The following SENP7 variants were observed in gnomAD, a reference collection of about 807,000 sequenced individuals.
SENP7 encodes the protein sentrin-specific protease 7.
In SENP7, 64 loss-of-function variants were observed where a neutral mutation model predicts 141.2. The ratio of observed to expected loss-of-function variants is 0.45; its 90% CI spans 0.37 to 0.56. The LOEUF is 0.56. SENP7 is among the 20% of genes least tolerant of loss of function. The pLI, the probability that SENP7 is intolerant of heterozygous loss-of-function variation, is 0.00. For missense variants in SENP7, 1,025 were observed against 1,212.2 expected, an observed-to-expected ratio of 0.85 and a Z score of 2.29; for synonymous variants, 382 against 426.4, an observed-to-expected ratio of 0.90 and a Z score of 1.28.
intron 4 of SENP7, among the ~76,000 whole-genome samples, chr3:101,430,554 T>G (rs966020239): frequency 6.6e-6 from 1 of 152,240 alleles, no homozygotes; most frequent in Admixed American, 6.5e-5. Context: ...CATTTTTTAT[T>G]GCATTTATTT....
intron 6 of SENP7, among the ~76,000 whole-genome samples, chr3:101,383,143 G>A (rs780218386): frequency 1.3e-5 from 2 of 152,204 alleles, no homozygotes; most frequent in African/African-American, 2.4e-5. Context: ...GGTCATGGGA[G>A]CAGATCCTTC....
At chr3:101,454,896 T>C (rs2063298458) in intron 4 of SENP7, among the ~76,000 whole-genome samples, 1 of 152,186 alleles carries the variant, frequency 6.6e-6, no homozygotes, top group Admixed American at 6.5e-5. Flanking sequence ...GATGGGATGT[T>C]CTAAAACCAT....
intron 6 of SENP7, among the ~76,000 whole-genome samples, chr3:101,386,258 C>T (rs574001048): frequency 1.3e-5 from 2 of 152,260 alleles, no homozygotes; most frequent in Non-Finnish European, 2.9e-5. Context: ...GCACTCAGAG[C>T]CAGGACAGAC....
intron 6 of SENP7, among the ~76,000 whole-genome samples, chr3:101,377,954 T>C (rs1308580654): frequency 6.6e-6 from 1 of 152,162 alleles, no homozygotes; most frequent in African/African-American, 2.4e-5. Context: ...AATCACAGCT[T>C]GGTGATAACC....
At chr3:101,494,817 T>G (rs1408115464) in intron 2 of SENP7, among the ~76,000 whole-genome samples, 1 of 152,126 alleles carries the variant, frequency 6.6e-6, no homozygotes, top group Non-Finnish European at 1.5e-5. Flanking sequence ...AAGACTTAAA[T>G]GTAAAACACA....
chr3:101,472,166 G>T (rs2064025402), intron 3 of SENP7, among the ~76,000 whole-genome samples: 1 of 152,190 alleles, frequency 6.6e-6, no homozygotes, highest in Admixed American at 6.5e-5. Context: ...ACACCCAAAG[G>T]ATTATAAATC....
intron 4 of SENP7, among the ~76,000 whole-genome samples, chr3:101,450,407 T>C (rs925074420): frequency 1.5e-4 from 23 of 152,156 alleles, no homozygotes; most frequent in African/African-American, 4.6e-4. Context: ...CAACAGAATA[T>C]ACATTCTTCT....
At chr3:101,350,784 A>G (rs1022493219) in intron 12 of SENP7, among the ~76,000 whole-genome samples, 9 of 152,020 alleles carry the variant, frequency 5.9e-5, no homozygotes, top group Non-Finnish European at 1.0e-4. Flanking sequence ...TCTACAGAAC[A>G]AATATTATTC....
chr3:101,332,519 A>G (rs1447217499), intron 18 of SENP7, among the ~76,000 whole-genome samples: 1 of 152,036 alleles, frequency 6.6e-6, no homozygotes, highest in Admixed American at 6.5e-5. Flanking sequence ...AAAACATTCA[A>G]TGTCTCAGTC....
intron 1 of SENP7, among the ~76,000 whole-genome samples, chr3:101,511,870 A>C (rs2065874205): frequency 6.6e-6 from 1 of 152,006 alleles, no homozygotes; most frequent in South Asian, 2.1e-4. Flanking sequence ...CCCAGGCTGG[A>C]GTGCAGTGGT....
At chr3:101,431,103 T>G (rs952983010) in intron 4 of SENP7, among the ~76,000 whole-genome samples, 4 of 152,202 alleles carry the variant, frequency 2.6e-5, no homozygotes, top group Non-Finnish European at 5.9e-5. Flanking sequence ...CTTCCAATTA[T>G]GTGGTCAATT....
intron 11 of SENP7, among the ~76,000 whole-genome samples, chr3:101,355,284 C>CTG (rs2059710931): frequency 6.6e-6 from 1 of 152,104 alleles, no homozygotes; most frequent in African/African-American, 2.4e-5. Context: ...AAATCTTTGC[C>CTG]TGTGCCTATA....
chr3:101,326,702 G>T (rs1474922904), intron 23 of SENP7, among the ~76,000 whole-genome samples: 1 of 152,102 alleles, frequency 6.6e-6, no homozygotes, highest in Non-Finnish European at 1.5e-5. Flanking sequence ...TACTTCTCCA[G>T]CTATAGTTTT....
intron 5 of SENP7, among the ~76,000 whole-genome samples, chr3:101,400,017 T>A (rs60475301): frequency 0.01 from 1,532 of 152,330 alleles, 28 homozygotes; most frequent in African/African-American, 0.035. Context: ...ACAGAAGATG[T>A]ACATTTGATA....
intron 14 of SENP7, among the ~76,000 whole-genome samples, chr3:101,343,237 C>G (rs990521450): frequency 1.4e-4 from 22 of 152,130 alleles, no homozygotes; most frequent in Non-Finnish European, 2.5e-4. Context: ...ATATTTTATG[C>G]TAGAGACTTT....
At chr3:101,386,754 A>G (rs978732482) in intron 6 of SENP7, among the ~76,000 whole-genome samples, 1 of 152,232 alleles carries the variant, frequency 6.6e-6, no homozygotes, top group Admixed American at 6.5e-5. Flanking sequence ...CCAAAGTCTG[A>G]GAGGTGCCTG....
rs1184984892 is a variant in SENP7, at chr3:101,398,972, C to A, written c.566G>T (p.Ser189Ile). ...TTGCAAGTTGTCTGTATCACTCAAA[C>A]TTCCCTCAGTTACAGGTGGGGTCCT... ...YIRTPPVTEG[S>I]LSDTDNLQSE... Residue 189 changes from serine (S) to isoleucine (I), a missense_variant, in exon 6 of 24, where the codon AGT becomes ATT. Ser to Ile is a moderately radical substitution (Grantham distance 142, BLOSUM62 -2). Transcript: ENST00000394095. 1.1e-5 allele frequency: 18 copies of A among 1,613,852 alleles called. No individual in the cohort carries two copies. The highest frequency in any genetic ancestry group is 1.5e-5 in the Non-Finnish European group (18 of 1,179,768).
chr3:101,430,382 TCA>T (rs1487930373), intron 4 of SENP7, among the ~76,000 whole-genome samples: 1 of 152,206 alleles, frequency 6.6e-6, no homozygotes, highest in Non-Finnish European at 1.5e-5. Context: ...ATTGGTCTAT[TCA>T]GAGATTCAAT....
intron 6 of SENP7, among the ~76,000 whole-genome samples, chr3:101,373,546 G>A (rs2060237323): frequency 6.6e-6 from 1 of 152,014 alleles, no homozygotes; most frequent in African/African-American, 2.4e-5. Flanking sequence ...TGTTTTTCTA[G>A]CACAATGAAC....
Sources: gnomAD v4.1 joint callset for allele counts (sites outside exome capture counted in the v4.1 genomes callset) on GRCh38, gnomAD v4.1.1 for gene constraint, MANE v1.5 for transcripts, NCBI Gene and HGNC (gene_info 2026-07-23, HGNC 2026-07-21) for gene names.